Variants in SLC2A9 observed in about 807,000 individuals in gnomAD.
SLC2A9 encodes the protein solute carrier family 2 member 9, also known as solute carrier family 2, facilitated glucose transporter member 9.
Under a neutral mutation model 50.6 loss-of-function variants are expected in SLC2A9, and 39 were observed. The observed-to-expected ratio is 0.77, with a 90% CI of 0.60 to 1.01. The LOEUF (loss-of-function observed/expected upper bound fraction) is 1.01, where lower values mean the gene tolerates loss of function less well. Ranked by LOEUF, SLC2A9 falls within the 50% of genes least tolerant of loss-of-function variation. The pLI is 0.00. For missense variants in SLC2A9, 686 were observed against 677.6 expected (o/e 1.01, Z -0.14); for synonymous variants, 324 against 276.9 (o/e 1.17, Z -1.69).
At position 9,820,326 on chromosome 4, in the gene SLC2A9, A is replaced by T. The variant is rs567389892; in HGVS notation, n.420+6094T>A. Among the ~76,000 whole-genome samples, 47 of 152,308 alleles carry T rather than the reference A, an allele frequency of 3.1e-4. No individual in the cohort carries two copies. The South Asian group carries it at 9.7e-3, about 32-fold the overall frequency. Reference sequence around the variant, plus strand: ...TTATTCCACTGATCTTTGTGTCTATACTTTCACCAATATTGTAGTGTCCTG... The same window carrying T: ...TTATTCCACTGATCTTTGTGTCTATTCTTTCACCAATATTGTAGTGTCCTG... On this transcript the variant is annotated intron_variant and non_coding_transcript_variant, in intron 3 of 3. Coordinates refer to the SLC2A9 transcript ENST00000503280.
intron 5 of SLC2A9, among the ~76,000 whole-genome samples, chr4:9,967,736 A>C (rs1753255183): frequency 1.3e-5 from 2 of 152,002 alleles, no homozygotes; most frequent in African/African-American, 4.8e-5. Flanking sequence ...TTAAGAAAAG[A>C]AAATAACTTT....
At chr4:10,022,803 C>T (rs745942022), upstream of SLC2A9, among the ~76,000 whole-genome samples, 7 of 152,140 alleles carry the variant, frequency 4.6e-5, no homozygotes, top group African/African-American at 1.2e-4. Context: ...CTGACATGCA[C>T]GGTGGTGGGA....
At chr4:9,921,921 ATG>A (rs1744023113) in intron 6 of SLC2A9, among the ~76,000 whole-genome samples, 1 of 151,904 alleles carries the variant, frequency 6.6e-6, no homozygotes, top group African/African-American at 2.4e-5. Context: ...TTCATAACCT[ATG>A]TTTTTTTTTT....
chr4:9,994,689 T>A (rs756053027), intron 3 of SLC2A9, among the ~76,000 whole-genome samples: 4 of 151,636 alleles, frequency 2.6e-5, no homozygotes, highest in Non-Finnish European at 4.4e-5. Context: ...GTAACACACC[T>A]GATACACAGC....
At chr4:9,917,538 C>G (rs1743109355) in intron 7 of SLC2A9, among the ~76,000 whole-genome samples, 2 of 151,874 alleles carry the variant, frequency 1.3e-5, no homozygotes, top group South Asian at 4.2e-4. Context: ...ACCATGTTGG[C>G]CAGGATGGTC....
intron 10 of SLC2A9, among the ~76,000 whole-genome samples, chr4:9,867,632 C>A (rs1732701965): frequency 6.6e-6 from 1 of 152,216 alleles, no homozygotes; most frequent in Non-Finnish European, 1.5e-5. Flanking sequence ...TCCCTCGCCC[C>A]ATCATGGGGA....
downstream of SLC2A9, among the ~76,000 whole-genome samples, chr4:9,823,995 G>C (rs1724759334): frequency 6.6e-6 from 1 of 152,136 alleles, no homozygotes; most frequent in African/African-American, 2.4e-5. Context: ...TGGCTGCTGT[G>C]GTTTGAATGT....
chr4:9,963,244 C>A (rs1752556556), intron 5 of SLC2A9, among the ~76,000 whole-genome samples: 2 of 152,206 alleles, frequency 1.3e-5, no homozygotes, highest in Admixed American at 1.3e-4. Context: ...TAGGGGAAAG[C>A]ACCACCATGA....
At position 9,834,998 on chromosome 4, in the gene SLC2A9, C is replaced by T. The variant is rs556085300; in HGVS notation, c.1302G>A (p.Pro434=). ...ASFCSGPGGI[P]FILTGEFFQQ... ...GGAAGAACTCACCAGTCAAGATGAACGGGATGCCACCTGCAGTGTGTGAGC... is the reference window on the plus strand; with the variant it reads ...GGAAGAACTCACCAGTCAAGATGAATGGGATGCCACCTGCAGTGTGTGAGC... Residue 434 remains proline (P), a synonymous_variant, in exon 11 of 12, where the codon CCG becomes CCA. Coordinates refer to ENST00000264784, the MANE Select transcript of SLC2A9 (RefSeq NM_020041.3). 36 of 1,613,394 alleles carry T rather than the reference C, an allele frequency of 2.2e-5. No homozygotes were observed. The East Asian group carries it at 2.7e-4, about 12-fold the overall frequency.
chr4:9,883,615 C>G (rs879714498), intron 10 of SLC2A9, among the ~76,000 whole-genome samples: 1 of 152,210 alleles, frequency 6.6e-6, no homozygotes, highest in Non-Finnish European at 1.5e-5. Flanking sequence ...GGAAACTGAG[C>G]AAGTGCGGCA....
intron 10 of SLC2A9, among the ~76,000 whole-genome samples, chr4:9,886,950 G>T (rs1283586162): frequency 7.9e-5 from 12 of 152,334 alleles, no homozygotes; most frequent in African/African-American, 2.6e-4. Context: ...CTAGGAAACA[G>T]CAGGGCTAGA....
At chr4:9,930,502 A>T (rs1337131315) in intron 6 of SLC2A9, among the ~76,000 whole-genome samples, 1 of 152,150 alleles carries the variant, frequency 6.6e-6, no homozygotes, top group East Asian at 1.9e-4. Context: ...TCCTGTCCTC[A>T]CAGTCCTGTC....
chr4:9,880,491 G>A, intron 10 of SLC2A9: 1 of 985,364 alleles, frequency 1.0e-6, no homozygotes, highest in Non-Finnish European at 1.2e-6. Flanking sequence ...AGCCACAGTT[G>A]CAAACACTTG....
intron 5 of SLC2A9, among the ~76,000 whole-genome samples, 160 bp downstream of exon 5, chr4:9,980,432 T>C (rs1755529911): frequency 6.6e-6 from 1 of 152,168 alleles, no homozygotes; most frequent in Non-Finnish European, 1.5e-5. Context: ...TTAAAAAAAA[T>C]AAACTCAAAG....
chr4:9,826,439 G>C lies in SLC2A9; in HGVS notation c.1581C>G (p.Ile527Met), dbSNP rs779863644. The C allele has an allele frequency of 1.2e-6, 2 of 1,614,052 alleles. No individual in the cohort carries two copies. The highest frequency in any genetic ancestry group is 1.7e-6 in the Non-Finnish European group (2 of 1,179,958). ...TCTTACCATCAGTGACAGCTGAGTCGATTTTCTCTTCTGGTGGGTATGCTT... is the reference window on the plus strand; with the variant it reads ...TCTTACCATCAGTGACAGCTGAGTCCATTTTCTCTTCTGGTGGGTATGCTT... ...RNKAYPPEEK[I>M]DSAVTDGKIN... The change falls in exon 12 of 12, where the codon ATC (isoleucine) becomes ATG (methionine). Residue 527 changes from isoleucine (I) to methionine (M), a missense_variant. Physicochemically the swap from Ile to Met is conservative, Grantham distance 10. Transcript: ENST00000264784.
intron 8 of SLC2A9, among the ~76,000 whole-genome samples, chr4:9,892,345 T>G (rs145680108): frequency 6.0e-5 from 9 of 149,814 alleles, no homozygotes; most frequent in Admixed American, 5.9e-4. Context: ...GCCTGGCTGA[T>G]GACCACATGT....
intron 6 of SLC2A9, among the ~76,000 whole-genome samples, chr4:9,931,714 C>A (rs1745957295): frequency 6.6e-6 from 1 of 151,856 alleles, no homozygotes; most frequent in Admixed American, 6.6e-5. Flanking sequence ...CAGCTCATTG[C>A]CATTATCCGG....
chr4:9,804,427 G>A (rs1168588669), intron 3 of SLC2A9, among the ~76,000 whole-genome samples: 6 of 151,364 alleles, frequency 4.0e-5, no homozygotes, highest in Admixed American at 3.3e-4. Context: ...CTTCACCCAT[G>A]GGCTGTTCAG....
At chr4:9,788,356 A>T (rs1336417652) in intron 3 of SLC2A9, among the ~76,000 whole-genome samples, 1 of 136,880 alleles carries the variant, frequency 7.3e-6, no homozygotes, top group Non-Finnish European at 1.5e-5. Flanking sequence ...TGCCCAGGTA[A>T]TTTTTTTTTT....
Sources: gnomAD v4.1 joint callset for allele counts (sites outside exome capture counted in the v4.1 genomes callset) on GRCh38, gnomAD v4.1.1 for gene constraint, MANE v1.5 for transcripts, NCBI Gene and HGNC (gene_info 2026-07-23, HGNC 2026-07-21) for gene names.